Variants in ADGRB3 observed in about 807,000 individuals in gnomAD.
The protein encoded by ADGRB3 is adhesion G protein-coupled receptor B3.
Under a neutral mutation model 193.4 loss-of-function variants are expected in ADGRB3, and 37 were observed. That is an observed-to-expected ratio of 0.19 (90% CI 0.15 to 0.25). ADGRB3 has a LOEUF of 0.25. Among genes scored for constraint, ADGRB3 ranks in the 10% least tolerant of loss-of-function variants. The pLI, the probability that ADGRB3 is intolerant of heterozygous loss-of-function variation, is 1.00. For synonymous variants in ADGRB3, 690 were observed against 644.2 expected (o/e 1.07, Z -1.08); for missense variants, 1,637 against 1,852.9 (o/e 0.88, Z 2.14).
At chr6:69,061,720 A>T (rs1451000875) in intron 15 of ADGRB3, among the ~76,000 whole-genome samples, 1 of 49,306 alleles carries the variant, frequency 2.0e-5, no homozygotes, top group Non-Finnish European at 5.8e-5. Context: ...TCAACTGTAA[A>T]AGGAAACAAA....
intron 17 of ADGRB3, among the ~76,000 whole-genome samples, chr6:69,179,704 G>A (rs1775529502): frequency 6.6e-6 from 1 of 152,090 alleles, no homozygotes; most frequent in Non-Finnish European, 1.5e-5. Context: ...TCCCTGGGGT[G>A]TGTGGCTGTA....
chr6:68,985,623 G>A (rs1769048292), intron 10 of ADGRB3, among the ~76,000 whole-genome samples: 1 of 152,144 alleles, frequency 6.6e-6, no homozygotes, highest in Non-Finnish European at 1.5e-5. Context: ...CCATTGCAAG[G>A]TCTTTTATCC....
chr6:69,078,507 A>G (rs187803040), intron 17 of ADGRB3, among the ~76,000 whole-genome samples: 13 of 152,214 alleles, frequency 8.5e-5, no homozygotes, highest in Non-Finnish European at 2.9e-5. Flanking sequence ...TTTAAATTCA[A>G]CAAATATCTT....
intron 3 of ADGRB3, among the ~76,000 whole-genome samples, chr6:68,834,380 G>T (rs753070234): frequency 1.3e-5 from 2 of 152,118 alleles, no homozygotes; most frequent in Non-Finnish European, 2.9e-5. Context: ...AGAGAACAAT[G>T]CTGTAATCCA....
At chr6:68,913,123 GAC>G (rs558339684) in intron 3 of ADGRB3, among the ~76,000 whole-genome samples, 3 of 152,212 alleles carry the variant, frequency 2.0e-5, no homozygotes, top group Non-Finnish European at 4.4e-5. Context: ...GCAGGGCACT[GAC>G]AAACAAAAAG....
intron 3 of ADGRB3, among the ~76,000 whole-genome samples, chr6:68,673,712 T>C (rs1769018080): frequency 6.6e-6 from 1 of 152,204 alleles, no homozygotes; most frequent in Non-Finnish European, 1.5e-5. Context: ...GGCTTTTTTT[T>C]CAGGGCTTTT....
intron 17 of ADGRB3, among the ~76,000 whole-genome samples, chr6:69,101,017 C>T (rs1299324988): frequency 2.4e-5 from 3 of 125,860 alleles, no homozygotes; most frequent in African/African-American, 9.0e-5. Context: ...ACTTGGAGCC[C>T]ATTAATGTGC....
intron 10 of ADGRB3, among the ~76,000 whole-genome samples, chr6:68,975,791 A>G (rs143374654): frequency 8.7e-4 from 132 of 152,326 alleles, no homozygotes; most frequent in Non-Finnish European, 1.5e-3. Context: ...AAGACATTAA[A>G]ATAAATGACA....
chr6:68,692,610 TAC>T (rs2127303114), intron 3 of ADGRB3, among the ~76,000 whole-genome samples: 1 of 151,904 alleles, frequency 6.6e-6, no homozygotes, highest in South Asian at 2.1e-4. Flanking sequence ...GCCCATGAAA[TAC>T]ACATTTACTA....
intron 20 of ADGRB3, among the ~76,000 whole-genome samples, chr6:69,247,182 T>C (rs1254550185): frequency 6.6e-6 from 1 of 152,124 alleles, no homozygotes; most frequent in East Asian, 1.9e-4. Context: ...GATTGCGTAA[T>C]TCCCCTGCTG....
In ADGRB3 at chr6:69,047,827, C is replaced by T. The variant is rs79068101; in HGVS notation, c.2108-358C>T. Among the ~76,000 whole-genome samples, 658 of 152,230 alleles carry T rather than the reference C, an allele frequency of 4.3e-3. 4 individuals carry two copies. The highest frequency in any genetic ancestry group is 8.0e-3 in the Non-Finnish European group (544 of 68,000). The stretch of plus-strand genomic sequence containing the variant: ...CAAATTTCAATCCATTAGTTCAAGT[C>T]TGTTAATCAGAATGTTTTTAAAAAA... On this transcript the variant is annotated intron_variant, in intron 13 of 31. Coordinates refer to ENST00000370598, the MANE Select transcript of ADGRB3 (RefSeq NM_001704.3).
chr6:68,856,953 C>G (rs1033710585), intron 3 of ADGRB3, among the ~76,000 whole-genome samples: 1 of 152,044 alleles, frequency 6.6e-6, no homozygotes, highest in African/African-American at 2.4e-5. Flanking sequence ...AAGCTCCAGC[C>G]ATGCCTAAAA....
intron 3 of ADGRB3, among the ~76,000 whole-genome samples, chr6:68,683,679 T>C (rs1242938057): frequency 2.6e-5 from 4 of 152,124 alleles, no homozygotes; most frequent in Non-Finnish European, 4.4e-5. Context: ...TATTGCCAGG[T>C]CTTTGGCTTC....
Position 68,884,225 on chromosome 6 carries a change from C to T in ADGRB3, c.758-46334C>T, listed in dbSNP as rs147879143. Among the ~76,000 whole-genome samples, 685 of 152,176 alleles carry T rather than the reference C, an allele frequency of 4.5e-3. 11 individuals are homozygous for T. Among genetic ancestry groups the T allele is most frequent in the African/African-American group, 0.016 (655 of 41,516 alleles). On this transcript the variant is annotated intron_variant, in intron 3 of 31. Transcript: ENST00000370598. ...CTTAGTAGGTACTTTATGAGCACTT[C>T]GTTCATGTAAGGCACAGTGCCAGGC...
At chr6:68,777,328 T>C (rs868706801) in intron 3 of ADGRB3, among the ~76,000 whole-genome samples, 10 of 152,256 alleles carry the variant, frequency 6.6e-5, no homozygotes, top group Middle Eastern at 3.4e-3. Flanking sequence ...AACATTTTGG[T>C]TACATATCCT....
intron 26 of ADGRB3, among the ~76,000 whole-genome samples, chr6:69,339,729 A>G (rs1013797584): frequency 6.6e-6 from 1 of 152,202 alleles, no homozygotes; most frequent in African/African-American, 2.4e-5. Flanking sequence ...CAGGAAAAAC[A>G]CAACCAGAGG....
chr6:68,736,196 AT>A (rs911856410), intron 3 of ADGRB3, among the ~76,000 whole-genome samples: 20 of 142,674 alleles, frequency 1.4e-4, no homozygotes, highest in Middle Eastern at 7.1e-3. Flanking sequence ...AAAAAAAAAA[AT>A]TTATAGAGAT....
At chr6:68,718,168 G>T (rs1232788438) in intron 3 of ADGRB3, among the ~76,000 whole-genome samples, 1 of 151,654 alleles carries the variant, frequency 6.6e-6, no homozygotes, top group African/African-American at 2.4e-5. Context: ...TTAAGGAAGG[G>T]TGTTTAGGGA....
At chr6:69,227,086 C>T (rs1766034516) in intron 17 of ADGRB3, among the ~76,000 whole-genome samples, 2 of 152,112 alleles carry the variant, frequency 1.3e-5, no homozygotes, top group African/African-American at 2.4e-5. Context: ...GATGGATAGT[C>T]AGTGATAACA....
Sources: gnomAD v4.1 joint callset for allele counts (sites outside exome capture counted in the v4.1 genomes callset) on GRCh38, gnomAD v4.1.1 for gene constraint, MANE v1.5 for transcripts, NCBI Gene and HGNC (gene_info 2026-07-23, HGNC 2026-07-21) for gene names.